Variants in IL18R1 observed in about 807,000 individuals in gnomAD.
IL18R1 encodes interleukin-18 receptor 1.
IL18R1 carries 40 observed loss-of-function variants against 48.5 expected under a neutral mutation model. The ratio of observed to expected loss-of-function variants is 0.82; its 90% confidence interval spans 0.64 to 1.07. The LOEUF is 1.07. IL18R1 is among the 50% of genes least tolerant of loss of function. IL18R1 has a pLI of 0.00. For missense variants in IL18R1, 596 were observed against 633.7 expected (o/e 0.94, Z 0.64); for synonymous variants, 232 against 225.9 (o/e 1.03, Z -0.24).
chr2:102,395,625 T>C (rs1680779722), intron 10 of IL18R1, among the ~76,000 whole-genome samples: 1 of 152,236 alleles, frequency 6.6e-6, no homozygotes. Context: ...GAAGGCATAT[T>C]GTTACTTAGG....
intron 1 of IL18R1, among the ~76,000 whole-genome samples, chr2:102,356,975 T>C (rs1289684183): frequency 6.6e-6 from 1 of 152,142 alleles, no homozygotes; most frequent in Non-Finnish European, 1.5e-5. Context: ...AGATCCAAGA[T>C]TATTGTATTC....
At chr2:102,366,989 G>A (rs540619763) in intron 2 of IL18R1, among the ~76,000 whole-genome samples, 116 of 152,278 alleles carry the variant, frequency 7.6e-4, no homozygotes, top group Middle Eastern at 3.4e-3. Flanking sequence ...GAAATGTTTC[G>A]TTCAGTTTAA....
At chr2:102,374,187 A>T (rs1345705030) in intron 4 of IL18R1, among the ~76,000 whole-genome samples, 1 of 152,182 alleles carries the variant, frequency 6.6e-6, no homozygotes, top group Non-Finnish European at 1.5e-5. Flanking sequence ...CAGCTGATGT[A>T]GTTTATATGG....
intron 5 of IL18R1, among the ~76,000 whole-genome samples, chr2:102,376,689 AG>A (rs757641325): frequency 1.4e-4 from 22 of 152,132 alleles, no homozygotes; most frequent in Admixed American, 3.9e-4. Flanking sequence ...TGCTGGTGGG[AG>A]GGGAGGGATG....
chr2:102,385,387 CA>C (rs1680168957), intron 7 of IL18R1, among the ~76,000 whole-genome samples: 1 of 152,072 alleles, frequency 6.6e-6, no homozygotes, highest in Admixed American at 6.5e-5. Flanking sequence ...TCTAATGGGC[CA>C]AAAAGGCTCC....
intron 5 of IL18R1, among the ~76,000 whole-genome samples, chr2:102,378,245 A>T (rs1397919915): frequency 1.3e-5 from 2 of 152,146 alleles, no homozygotes; most frequent in East Asian, 3.8e-4. Context: ...TAATCCTCAC[A>T]ACAGCTCTGT....
chr2:102,370,518 A>G (rs1324687202), intron 3 of IL18R1, among the ~76,000 whole-genome samples: 2 of 152,230 alleles, frequency 1.3e-5, no homozygotes, highest in South Asian at 2.1e-4. Context: ...CCCACTGCCT[A>G]TAACTGTGAC....
intron 4 of IL18R1, among the ~76,000 whole-genome samples, chr2:102,374,940 G>T (rs940062299): frequency 2.6e-5 from 4 of 152,142 alleles, no homozygotes; most frequent in Non-Finnish European, 5.9e-5. Flanking sequence ...GTAGATAATT[G>T]ATTGGAAAGG....
intron 4 of IL18R1, among the ~76,000 whole-genome samples, chr2:102,374,646 C>A (rs1233485237): frequency 6.6e-6 from 1 of 151,950 alleles, no homozygotes; most frequent in Non-Finnish European, 1.5e-5. Context: ...GGTGTGGTGG[C>A]ACATGCCTGT....
intron 3 of IL18R1, among the ~76,000 whole-genome samples, chr2:102,368,435 TG>T (rs1679041382): frequency 6.6e-6 from 1 of 152,142 alleles, no homozygotes; most frequent in Admixed American, 6.5e-5. Flanking sequence ...GTGTTGCGAA[TG>T]GGGCAGTGTC....
chr2:102,368,915 G>A (rs549914267), intron 3 of IL18R1, among the ~76,000 whole-genome samples: 14 of 152,270 alleles, frequency 9.2e-5, no homozygotes, highest in African/African-American at 2.9e-4. Context: ...CAACCATGCT[G>A]TTGAGAGCAG....
chr2:102,362,953 C>A (rs902476808), intron 2 of IL18R1: 7 of 327,080 alleles, frequency 2.1e-5, no homozygotes, highest in Non-Finnish European at 3.9e-5. Context: ...GAGGTGGCAG[C>A]CATCTTTATT....
intron 8 of IL18R1, among the ~76,000 whole-genome samples, chr2:102,388,380 G>C (rs971489523): frequency 2.6e-5 from 4 of 152,198 alleles, no homozygotes; most frequent in African/African-American, 9.7e-5. Flanking sequence ...TGAAGGTATT[G>C]AAACTCAGAC....
In IL18R1 at chr2:102,397,793, C is replaced by T. The variant is rs1488538068; in HGVS notation, c.*907C>T. On this transcript the variant is annotated 3_prime_UTR_variant, in exon 11 of 11. Transcript: ENST00000233957. ...CATGGTGTGGCAGTTAAGAGATGGG[C>T]TGTGCAGCCCATCCTGAGCTCCAGT... 6.6e-6 allele frequency: 1 copy of T among 152,286 alleles called. No homozygotes were observed. The highest frequency in any genetic ancestry group is 1.5e-5 in the Non-Finnish European group (1 of 68,032). 9.4% of individuals were successfully genotyped at this position (152,286 alleles called of 1,614,324 possible). A position where few individuals can be genotyped will look rare whatever the true frequency, so the allele number is the denominator to read the frequency against.
At chr2:102,375,546 A>G (rs1679525318) in intron 4 of IL18R1, among the ~76,000 whole-genome samples, 1 of 152,164 alleles carries the variant, frequency 6.6e-6, no homozygotes, top group African/African-American at 2.4e-5. Context: ...GTTGTGACTC[A>G]AGCAAGGGTT....
chr2:102,376,151 A>C, intron 5 of IL18R1, 88 bp downstream of exon 5: 1 of 1,114,942 alleles, frequency 9.0e-7, no homozygotes, highest in South Asian at 1.9e-5. Context: ...AGGAATTGAG[A>C]GTCCACTTAG....
rs181278302 is a variant in IL18R1, at chr2:102,368,018, G to C, written c.252G>C (p.Glu84Asp). 6.2e-7 allele frequency: 1 copy of C among 1,614,206 alleles called. No homozygotes were observed. Among genetic ancestry groups the C allele is most frequent in the African/African-American group, 1.3e-5 (1 of 75,056 alleles). Reference sequence around the variant, plus strand: ...TTGCTTTGCATGATTGTGTTTTGGAGTTTTGGCCAGTTGAGTTGAATGACA... The same window carrying C: ...TTGCTTTGCATGATTGTGTTTTGGACTTTTGGCCAGTTGAGTTGAATGACA... ...SRIALHDCVLEFWPVELNDTG... is the reference protein window; with the variant it reads ...SRIALHDCVLDFWPVELNDTG... Residue 84 changes from glutamate to aspartate, a missense_variant, in exon 3 of 11, where the codon GAG (glutamate) becomes GAC (aspartate). Physicochemically the swap from Glu to Asp is conservative, Grantham distance 45 (BLOSUM62 2). Transcript: ENST00000233957.
At chr2:102,363,623 C>G (rs1678715267) in intron 2 of IL18R1, among the ~76,000 whole-genome samples, 1 of 152,060 alleles carries the variant, frequency 6.6e-6, no homozygotes, top group African/African-American at 2.4e-5. Flanking sequence ...ACACTAATAG[C>G]CTTACTCCTC....
At chr2:102,361,136 T>G (rs1678549534) in intron 1 of IL18R1, among the ~76,000 whole-genome samples, 1 of 152,218 alleles carries the variant, frequency 6.6e-6, no homozygotes, top group Admixed American at 6.5e-5. Flanking sequence ...GTGGTGCTTT[T>G]TATAAGGTTA....
Sources: allele counts gnomAD v4.1 joint callset (sites outside exome capture counted in the v4.1 genomes callset), GRCh38; gene constraint gnomAD v4.1.1; transcripts MANE v1.5; gene names NCBI Gene and HGNC (gene_info 2026-07-23, HGNC 2026-07-21).